The following CTNNBIP1 variants were observed in gnomAD, a reference collection of about 807,000 sequenced individuals.
CTNNBIP1 encodes beta-catenin-interacting protein 1.
Under a neutral mutation model 11.8 loss-of-function variants are expected in CTNNBIP1, and 7 were observed. The ratio of observed to expected loss-of-function variants is 0.60; its 90% CI spans 0.34 to 1.12. The LOEUF (loss-of-function observed/expected upper bound fraction) is 1.12. Ranked by LOEUF, CTNNBIP1 falls within the 50% of genes most tolerant of loss-of-function variation. The pLI, the probability that CTNNBIP1 is intolerant of heterozygous loss-of-function variation, is 0.03. For synonymous variants in CTNNBIP1, 58 were observed against 43.9 expected, an observed-to-expected ratio of 1.32 and a Z score of -1.26; for missense variants, 101 against 113.4, an observed-to-expected ratio of 0.89 and a Z score of 0.50.
At chr1:9,865,154 G>C (rs548851643) in intron 5 of CTNNBIP1, among the ~76,000 whole-genome samples, 1 of 151,894 alleles carries the variant, frequency 6.6e-6, no homozygotes, top group South Asian at 2.1e-4. Flanking sequence ...GCTTGAACCT[G>C]TGAGGTGGAG....
At chr1:9,868,353 C>T (rs745855761) in intron 5 of CTNNBIP1, among the ~76,000 whole-genome samples, 2 of 152,248 alleles carry the variant, frequency 1.3e-5, no homozygotes, top group African/African-American at 4.8e-5. Context: ...ACGGCCCACA[C>T]AGTTGGTCAC....
At chr1:9,857,766 A>C (rs913383860) in intron 5 of CTNNBIP1, among the ~76,000 whole-genome samples, 5 of 152,186 alleles carry the variant, frequency 3.3e-5, no homozygotes, top group Non-Finnish European at 7.3e-5. Context: ...ACGCCATTGC[A>C]CTCCAGCATG....
intron 1 of CTNNBIP1, among the ~76,000 whole-genome samples, chr1:9,886,740 G>T (rs1639194111): frequency 6.6e-6 from 1 of 152,194 alleles, no homozygotes. Flanking sequence ...GAGCCAGCGA[G>T]GGGGACGGGG....
chr1:9,902,244 C>T (rs772309401), intron 1 of CTNNBIP1, among the ~76,000 whole-genome samples: 8 of 152,136 alleles, frequency 5.3e-5, no homozygotes, highest in Admixed American at 1.3e-4. Flanking sequence ...CAGCGAGAGA[C>T]GTGTCGGGCA....
intron 5 of CTNNBIP1, among the ~76,000 whole-genome samples, chr1:9,852,277 A>C (rs1361768300): frequency 6.6e-6 from 1 of 152,200 alleles, no homozygotes; most frequent in Non-Finnish European, 1.5e-5. Context: ...GGAGGGCCCA[A>C]CTACAAGGAT....
chr1:9,875,084 T>C (rs1638938281), intron 3 of CTNNBIP1, among the ~76,000 whole-genome samples: 1 of 151,976 alleles, frequency 6.6e-6, no homozygotes, highest in African/African-American at 2.4e-5. Flanking sequence ...CGTTGCTTCC[T>C]CCCCACCCCC....
At chr1:9,879,875 G>A (rs894604288) in intron 2 of CTNNBIP1, among the ~76,000 whole-genome samples, 3 of 151,922 alleles carry the variant, frequency 2.0e-5, no homozygotes, top group Non-Finnish European at 4.4e-5. Context: ...GACTGTCCAG[G>A]GATTCACGGA....
At chr1:9,885,480 C>CA (rs1639167444) in intron 1 of CTNNBIP1, among the ~76,000 whole-genome samples, 1 of 151,790 alleles carries the variant, frequency 6.6e-6, no homozygotes, top group South Asian at 2.1e-4. Flanking sequence ...TCCGTCTCTA[C>CA]AAAAAATACA....
chr1:9,873,123 G>C (rs1180103510), intron 3 of CTNNBIP1, among the ~76,000 whole-genome samples: 1 of 152,164 alleles, frequency 6.6e-6, no homozygotes, highest in African/African-American at 2.4e-5. Context: ...AGCCCGGGCA[G>C]CAGCCTCCCT....
intron 5 of CTNNBIP1, among the ~76,000 whole-genome samples, chr1:9,856,647 G>A (rs2101438176): frequency 6.6e-6 from 1 of 151,474 alleles, no homozygotes; most frequent in South Asian, 2.1e-4. Flanking sequence ...CAGAGTACCT[G>A]GGATTACAGT....
chr1:9,887,980 C>A, intron 1 of CTNNBIP1, among the ~76,000 whole-genome samples: 1 of 151,868 alleles, frequency 6.6e-6, no homozygotes, highest in South Asian at 2.1e-4. Context: ...CCCACCACCA[C>A]ACCCAGCTAA....
At chr1:9,863,653 C>G (rs1638677958) in intron 5 of CTNNBIP1, among the ~76,000 whole-genome samples, 1 of 152,230 alleles carries the variant, frequency 6.6e-6, no homozygotes, top group Non-Finnish European at 1.5e-5. Flanking sequence ...GTGAACACGG[C>G]ACAGACCCTG....
chr1:9,891,603 C>A (rs1419908091), intron 1 of CTNNBIP1, among the ~76,000 whole-genome samples: 2 of 152,022 alleles, frequency 1.3e-5, no homozygotes, highest in South Asian at 2.1e-4. Context: ...CTGAGAGACC[C>A]CAGGTGCAGC....
At chr1:9,869,369 GT>G (rs1404608775) in intron 5 of CTNNBIP1, among the ~76,000 whole-genome samples, 1 of 150,962 alleles carries the variant, frequency 6.6e-6, no homozygotes, top group Non-Finnish European at 1.5e-5. Context: ...CTGGGGTTTT[GT>G]TTTGTTTTGT....
At chr1:9,869,569 C>T (rs1375930815) in intron 5 of CTNNBIP1, among the ~76,000 whole-genome samples, 2 of 152,154 alleles carry the variant, frequency 1.3e-5, no homozygotes, top group African/African-American at 4.8e-5. Flanking sequence ...AGGTGATCCA[C>T]CTGCCTTGGC....
chr1:9,904,364 G>T (rs1306122141), intron 1 of CTNNBIP1, among the ~76,000 whole-genome samples: 1 of 152,162 alleles, frequency 6.6e-6, no homozygotes, highest in Non-Finnish European at 1.5e-5. Flanking sequence ...TGAAAAGCTG[G>T]CCAATGGCAC....
At chr1:9,870,601 C>T (rs114175972) in intron 5 of CTNNBIP1, among the ~76,000 whole-genome samples, 2,260 of 152,286 alleles carry the variant, frequency 0.015, 54 homozygotes, top group African/African-American at 0.051. Flanking sequence ...AATGAAACAA[C>T]GGTGCCTGCT....
rs1250312843 is a variant in CTNNBIP1 at position 9,871,112 on chromosome 1, C to T, written c.187+75G>A. The T allele has an allele frequency of 6.1e-6, 7 of 1,146,728 alleles. No individual in the cohort carries two copies. Among genetic ancestry groups the T allele is most frequent in the African/African-American group, 4.6e-5 (3 of 65,022 alleles). The allele number at this position is 1,146,728 out of a possible 1,614,324, so 71.0% of individuals were successfully genotyped here. A position where few individuals can be genotyped will look rare whatever the true frequency, so the allele number is the denominator to read the frequency against. On this transcript the variant is annotated intron_variant, in intron 5 of 5. Transcript: ENST00000377263. The surrounding 1 kb of genome is among the most constrained non-coding windows in gnomAD (Gnocchi z 5.2). ...CACCCATCAAAGAGGGCTGGAGCTACGCTTTCTAAGGGAACCACAAGTCGG... is the reference window on the plus strand; with the variant it reads ...CACCCATCAAAGAGGGCTGGAGCTATGCTTTCTAAGGGAACCACAAGTCGG...
At chr1:9,893,109 T>C (rs1403399313) in intron 1 of CTNNBIP1, 2 of 152,016 alleles carry the variant, frequency 1.3e-5, no homozygotes, top group Non-Finnish European at 2.9e-5. Flanking sequence ...GGAAGGAAGA[T>C]CAGAAAAGAC....
Sources: gnomAD v4.1 joint callset for allele counts (sites outside exome capture counted in the v4.1 genomes callset) on GRCh38, gnomAD v4.1.1 for gene constraint, Gnocchi (gnomAD v3.1) non-coding constraint, MANE v1.5 for transcripts, NCBI Gene and HGNC (gene_info 2026-07-23, HGNC 2026-07-21) for gene names.